Variants in MPDZ observed in about 807,000 individuals in gnomAD.
MPDZ encodes multiple PDZ domain crumbs cell polarity complex component, also known as multiple PDZ domain protein.
Under a neutral mutation model 239.1 loss-of-function variants are expected in MPDZ, and 234 were observed. The observed-to-expected ratio is 0.98, with a 90% CI of 0.88 to 1.09. MPDZ has a LOEUF of 1.09. Among genes scored for constraint, MPDZ ranks in the 50% least tolerant of loss-of-function variants. MPDZ has a pLI of 0.00. For missense variants in MPDZ, 3,175 were observed against 2,510.0 expected (o/e 1.26, Z -5.66); for synonymous variants, 1,048 against 881.3 (o/e 1.19, Z -3.35).
intron 21 of MPDZ, among the ~76,000 whole-genome samples, chr9:13,175,497 A>G (rs933440843): frequency 6.6e-6 from 1 of 152,194 alleles, no homozygotes; most frequent in African/African-American, 2.4e-5. Flanking sequence ...AACAATTCAT[A>G]TATCTTTTAC....
At chr9:13,221,227 G>A (rs1184057664) in intron 7 of MPDZ, 145 bp downstream of exon 7, 2 of 793,068 alleles carry the variant, frequency 2.5e-6, no homozygotes, top group African/African-American at 3.5e-5. Flanking sequence ...CAACATTTTA[G>A]GGACACTCAA....
At chr9:13,138,229 A>C (rs897342707) in intron 28 of MPDZ, 76 bp from the exon 29 acceptor site, 1 of 1,372,640 alleles carries the variant, frequency 7.3e-7, no homozygotes, top group African/African-American at 1.5e-5. Flanking sequence ...AAAGCTATTT[A>C]GTTTTACCTC....
chr9:13,114,077 TACCAC>T, intron 40 of MPDZ, 56 bp from the exon 41 acceptor site: 1 of 1,292,974 alleles, frequency 7.7e-7, no homozygotes, highest in Non-Finnish European at 1.1e-6. Flanking sequence ...ACTCCCTAAA[TACCAC>T]TTATTTCAGA....
chr9:13,236,821 G>C (rs117989449), intron 3 of MPDZ, among the ~76,000 whole-genome samples: 12,299 of 149,572 alleles, frequency 0.082, 791 homozygotes, highest in Non-Finnish European at 0.12. Context: ...TAAAAACTTC[G>C]CTCCTACAAT....
chr9:13,149,189 C>T (rs191300481), intron 25 of MPDZ, among the ~76,000 whole-genome samples: 292 of 151,478 alleles, frequency 1.9e-3, no homozygotes, highest in African/African-American at 6.7e-3. Flanking sequence ...TATAAACGGT[C>T]ATCAAAAAAA....
intron 8 of MPDZ, 139 bp downstream of exon 8, chr9:13,219,420 C>G (rs1958782835): frequency 1.1e-5 from 8 of 731,232 alleles, no homozygotes; most frequent in Non-Finnish European, 1.8e-5. Flanking sequence ...AGTGCTAAAG[C>G]ATCCCTACAT....
At chr9:13,276,535 A>G (rs1039056773) in intron 1 of MPDZ, 2 of 152,210 alleles carry the variant, frequency 1.3e-5, no homozygotes, top group African/African-American at 4.8e-5. Flanking sequence ...TCAAAAGTAC[A>G]TACAACTGTT....
At position 13,112,024 on chromosome 9, in the gene MPDZ, T is replaced by G. The variant is rs1393105830; in HGVS notation, c.5724A>C (p.Arg1908Ser). The G allele has an allele frequency of 6.2e-7, 1 of 1,613,330 alleles. No homozygotes were observed. Among genetic ancestry groups the G allele is most frequent in the Admixed American group, 1.7e-5 (1 of 60,006 alleles). ...TTCTAGGGTTGATAGTACGACTCAC[T>G]CTGAGTTTTTGGGTCTGTGCTGCAA... ...TGVAAQTQKL[R>S]VGDRIVTICG... Residue 1908 changes from arginine to serine, a missense_variant and splice_region_variant, in exon 43 of 47, where the codon AGA (arginine) becomes AGC (serine). Physicochemically the swap from Arg to Ser is moderately radical, Grantham distance 110 (BLOSUM62 -1). Coordinates refer to ENST00000319217, the MANE Select transcript of MPDZ (RefSeq NM_001378778.1).
chr9:13,208,206 G>C (rs1035960356), intron 10 of MPDZ, among the ~76,000 whole-genome samples: 2 of 152,184 alleles, frequency 1.3e-5, no homozygotes, highest in Non-Finnish European at 2.9e-5. Context: ...CACTTTGGGA[G>C]GCTGAGGCAG....
intron 17 of MPDZ, 34 bp downstream of exon 17, chr9:13,188,750 A>T: frequency 1.3e-6 from 2 of 1,587,242 alleles, no homozygotes; most frequent in Non-Finnish European, 1.7e-6. Context: ...TTGCTTATAA[A>T]TATAAAGGGA....
chr9:13,137,377 T>C lies in MPDZ; in HGVS notation c.4201-574A>G, dbSNP rs533094086. Among the ~76,000 whole-genome samples the C allele has an allele frequency of 2.6e-5, 4 of 152,256 alleles. No individual in the cohort carries two copies. The South Asian group carries it at 6.2e-4, about 24-fold the overall frequency. On this transcript the variant is annotated intron_variant, in intron 29 of 46. Transcript: ENST00000319217. ...AGCCTCCTGTGTCTATAGGGAAACA[T>C]ACTCAGCATGAGAAGAGTATAAAGG...
intron 25 of MPDZ, among the ~76,000 whole-genome samples, chr9:13,149,587 T>G (rs1259777976): frequency 6.6e-6 from 1 of 152,072 alleles, no homozygotes; most frequent in East Asian, 1.9e-4. Flanking sequence ...GTGACTTGAT[T>G]ACTTGTCAAG....
At chr9:13,227,143 T>G (rs572054715) in intron 3 of MPDZ, among the ~76,000 whole-genome samples, 217 of 152,192 alleles carry the variant, frequency 1.4e-3, no homozygotes, top group African/African-American at 5.1e-3. Flanking sequence ...GTCACCAAAA[T>G]CTATACATAA....
At chr9:13,235,382 C>G (rs1201775164) in intron 3 of MPDZ, among the ~76,000 whole-genome samples, 1 of 152,090 alleles carries the variant, frequency 6.6e-6, no homozygotes, top group African/African-American at 2.4e-5. Flanking sequence ...TTCATTCATT[C>G]AAGTATTTAT....
chr9:13,258,677 A>G (rs1969989281), intron 1 of MPDZ, among the ~76,000 whole-genome samples: 2 of 152,212 alleles, frequency 1.3e-5, no homozygotes, highest in African/African-American at 2.4e-5. Flanking sequence ...TCCAACAGAA[A>G]TCACTCAGTC....
At chr9:13,258,079 T>C (rs1312020060) in intron 1 of MPDZ, among the ~76,000 whole-genome samples, 1 of 152,202 alleles carries the variant, frequency 6.6e-6, no homozygotes, top group African/African-American at 2.4e-5. Context: ...TTGGTAACAC[T>C]AGTGTCAGAA....
chr9:13,205,020 G>T lies in MPDZ; in HGVS notation c.1546+16C>A. The T allele has an allele frequency of 7.1e-7, 1 of 1,411,256 alleles. No homozygotes were observed. Among genetic ancestry groups the T allele is most frequent in the Middle Eastern group, 1.8e-4 (1 of 5,456 alleles). 87.4% of individuals were successfully genotyped at this position (1,411,256 alleles called of 1,614,324 possible). On this transcript the variant is annotated intron_variant, in intron 12 of 46. Transcript: ENST00000319217. ...AAAATAATGAAGTACACAATAAGCT[G>T]GCGCTAGGTGTTTACCTTCTTCTTC...
intron 12 of MPDZ, among the ~76,000 whole-genome samples, chr9:13,196,579 A>G (rs1955679203): frequency 6.6e-6 from 1 of 152,156 alleles, no homozygotes; most frequent in Admixed American, 6.6e-5. Context: ...GTCGTCTTCA[A>G]TGTTCTCTGT....
intron 12 of MPDZ, among the ~76,000 whole-genome samples, chr9:13,200,857 A>G (rs1213696427): frequency 6.6e-6 from 1 of 151,898 alleles, no homozygotes; most frequent in Non-Finnish European, 1.5e-5. Context: ...AGTATGTTCC[A>G]TATGTTGTTG....
Sources: allele counts gnomAD v4.1 joint callset (sites outside exome capture counted in the v4.1 genomes callset), GRCh38; gene constraint gnomAD v4.1.1; transcripts MANE v1.5; gene names NCBI Gene and HGNC (gene_info 2026-07-23, HGNC 2026-07-21).